SPSB1: variants seen among roughly 807,000 people sequenced by gnomAD.
SPSB1 encodes the protein splA/ryanodine receptor domain and SOCS box containing 1.
SPSB1 carries 8 observed loss-of-function variants against 21.2 expected under a neutral mutation model. That is an observed-to-expected ratio of 0.38 (90% CI 0.22 to 0.68). The LOEUF (loss-of-function observed/expected upper bound fraction) is 0.68. Among genes scored for constraint, SPSB1 ranks in the 30% least tolerant of loss-of-function variants. SPSB1 has a pLI of 0.53. For missense variants in SPSB1, 242 were observed against 377.8 expected (o/e 0.64, Z 2.98); for synonymous variants, 169 against 161.7 (o/e 1.05, Z -0.34).
rs1639152975 is a variant in SPSB1, at chr1:9,293,398, T to C, written c.-150+327T>C. Among the ~76,000 whole-genome samples the C allele has an allele frequency of 6.6e-6, 1 of 150,490 alleles. No homozygotes were observed. Among genetic ancestry groups the C allele is most frequent in the Admixed American group, 6.6e-5 (1 of 15,160 alleles). Reference sequence around the variant, plus strand: ...GGGGCGCGGGGACCGTCGCAACGAGTTGCGGTCCCGAGGAGGGGCTGGGGC... The same window carrying C: ...GGGGCGCGGGGACCGTCGCAACGAGCTGCGGTCCCGAGGAGGGGCTGGGGC... On this transcript the variant is annotated intron_variant, in intron 1 of 2. Transcript: ENST00000328089. The surrounding 1 kb of genome is among the most constrained non-coding windows in gnomAD (Gnocchi z 5.1).
chr1:9,352,055 T>G (rs1441678944), intron 1 of SPSB1, among the ~76,000 whole-genome samples: 1 of 152,138 alleles, frequency 6.6e-6, no homozygotes, highest in Non-Finnish European at 1.5e-5. Context: ...CACAGCCATG[T>G]GGTCCAAGGC....
intron 1 of SPSB1, among the ~76,000 whole-genome samples, chr1:9,310,272 G>A (rs1251880518): frequency 6.6e-6 from 1 of 152,222 alleles, no homozygotes; most frequent in Non-Finnish European, 1.5e-5. Flanking sequence ...ATCCCAGGAA[G>A]CTTCAAGCAA....
Position 9,356,077 on chromosome 1 carries a change from G to A in SPSB1, c.186G>A (p.Ser62=), listed in dbSNP as rs776146642. ...ATTCATGGAACAACAACGACCGATC[G>A]CTCAATGTCTTTGTGAAGGAGGACG... The part of the protein sequence containing the change: ...LLHSWNNNDR[S]LNVFVKEDDK... Residue 62 remains serine, a synonymous_variant, in exon 2 of 3, where the codon TCG becomes TCA. Coordinates refer to ENST00000328089, the MANE Select transcript of SPSB1 (RefSeq NM_025106.4). This position sits in a 1 kb window ranked among gnomAD's most constrained non-coding sequence, Gnocchi z 7.4. 79 of 1,611,610 alleles carry A rather than the reference G, an allele frequency of 4.9e-5. No homozygotes were observed. In the South Asian group the frequency reaches 5.8e-4, roughly 12 times the overall value.
intron 1 of SPSB1, among the ~76,000 whole-genome samples, chr1:9,314,561 T>C (rs1366811029): frequency 1.3e-5 from 2 of 152,152 alleles, no homozygotes; most frequent in Non-Finnish European, 2.9e-5. Context: ...ACCCCAGATA[T>C]TTGCCTCTGC....
At chr1:9,323,534 C>CCTG (rs1412027025) in intron 1 of SPSB1, among the ~76,000 whole-genome samples, 3 of 152,196 alleles carry the variant, frequency 2.0e-5, no homozygotes, top group African/African-American at 7.2e-5. Context: ...GGTCTGGAGC[C>CCTG]CTGTCCACAA....
At position 9,324,530 on chromosome 1, in the gene SPSB1, C is replaced by T. The variant is rs530241351; in HGVS notation, c.-149-31213C>T. Among the ~76,000 whole-genome samples the T allele has an allele frequency of 5.9e-5, 9 of 152,126 alleles. No individual in the cohort carries two copies. Among genetic ancestry groups the T allele is most frequent in the African/African-American group, 1.9e-4 (8 of 41,464 alleles). Reference sequence around the variant, plus strand: ...CTGTGGGCCCGGGACTCGGTGTGTCCGATGAGGAAACCAGCTTGGGTGGGG... The same window carrying T: ...CTGTGGGCCCGGGACTCGGTGTGTCTGATGAGGAAACCAGCTTGGGTGGGG... On this transcript the variant is annotated intron_variant, in intron 1 of 2. Coordinates refer to ENST00000328089, the MANE Select transcript of SPSB1 (RefSeq NM_025106.4). This position sits in a 1 kb window ranked among gnomAD's most constrained non-coding sequence, Gnocchi z 4.3.
chr1:9,311,090 AG>A (rs1639512315), intron 1 of SPSB1, among the ~76,000 whole-genome samples: 1 of 150,860 alleles, frequency 6.6e-6, no homozygotes, highest in African/African-American at 2.4e-5. Flanking sequence ...CTAGCCTCCC[AG>A]GCTCCCTGAA....
rs773769664 is a variant in SPSB1, at chr1:9,348,235, G to A, written c.-149-7508G>A. ...GCTGGGATTACAGGCGTGAGCCACCGCGGCAACTTTTTTTAACCCTGGGCA... is the reference window on the plus strand; with the variant it reads ...GCTGGGATTACAGGCGTGAGCCACCACGGCAACTTTTTTTAACCCTGGGCA... On this transcript the variant is annotated intron_variant, in intron 1 of 2. Coordinates refer to ENST00000328089, the MANE Select transcript of SPSB1 (RefSeq NM_025106.4). This position sits in a 1 kb window ranked among gnomAD's most constrained non-coding sequence, Gnocchi z 4.8. Among the ~76,000 whole-genome samples, 8 of 151,950 alleles carry A rather than the reference G, an allele frequency of 5.3e-5. No homozygotes were observed. Among genetic ancestry groups the A allele is most frequent in the African/African-American group, 9.6e-5 (4 of 41,456 alleles).
rs1569673429 is a variant in SPSB1 at position 9,368,280 on chromosome 1, C to T, written c.*705C>T. 6.5e-6 allele frequency: 1 copy of T among 152,720 alleles called. No homozygotes were observed. Among genetic ancestry groups the T allele is most frequent in the East Asian group, 1.9e-4 (1 of 5,188 alleles). 9.5% of individuals were successfully genotyped at this position (152,720 alleles called of 1,614,324 possible). On this transcript the variant is annotated 3_prime_UTR_variant, in exon 3 of 3. Transcript: ENST00000328089. The stretch of plus-strand genomic sequence containing the variant: ...TCTGGCTGTTCTGTTACTTTCCTTC[C>T]ACCTGTGCCCTCCCTGGGATATGTA...
At chr1:9,312,323 G>A (rs887973619) in intron 1 of SPSB1, among the ~76,000 whole-genome samples, 1 of 151,848 alleles carries the variant, frequency 6.6e-6, no homozygotes, top group South Asian at 2.1e-4. Context: ...CATTGTGTCC[G>A]GTCTGTCTGG....
intron 1 of SPSB1, among the ~76,000 whole-genome samples, chr1:9,314,148 C>T (rs1639570144): frequency 6.6e-6 from 1 of 150,570 alleles, no homozygotes; most frequent in African/African-American, 2.4e-5. Flanking sequence ...TGCACTCCAG[C>T]CTGGGCAACA....
At chr1:9,326,599 C>T (rs1639819967) in intron 1 of SPSB1, among the ~76,000 whole-genome samples, 1 of 152,156 alleles carries the variant, frequency 6.6e-6, no homozygotes, top group South Asian at 2.1e-4. Flanking sequence ...GTCTGAGAGC[C>T]CCAAGAAGCT....
chr1:9,314,048 C>T (rs1639568046), intron 1 of SPSB1, among the ~76,000 whole-genome samples: 1 of 151,900 alleles, frequency 6.6e-6, no homozygotes, highest in African/African-American at 2.4e-5. Flanking sequence ...TGGCGGCGGG[C>T]ACTTGTTATC....
chr1:9,312,079 G>A (rs925860638), intron 1 of SPSB1, among the ~76,000 whole-genome samples: 24 of 152,144 alleles, frequency 1.6e-4, no homozygotes, highest in African/African-American at 3.4e-4. Flanking sequence ...AACTCCTCAA[G>A]TGATCCTCCC....
Position 9,367,668 on chromosome 1 carries a change from G to C in SPSB1, c.*93G>C. On this transcript the variant is annotated 3_prime_UTR_variant, in exon 3 of 3. Transcript: ENST00000328089. This position sits in a 1 kb window ranked among gnomAD's most constrained non-coding sequence, Gnocchi z 5.9. The stretch of plus-strand genomic sequence containing the variant: ...GCCGCCGCACCCTGCACCTTGGACC[G>C]GCATCCGTAGCCATGGACAGAGGTC... 6.8e-7 allele frequency: 1 copy of C among 1,471,880 alleles called. No individual in the cohort carries two copies. The highest frequency in any genetic ancestry group is 9.0e-7 in the Non-Finnish European group (1 of 1,107,738). The allele number at this position is 1,471,880 out of a possible 1,614,324, so 91.2% of individuals were successfully genotyped here.
At chr1:9,326,586 T>G (rs1639819842) in intron 1 of SPSB1, among the ~76,000 whole-genome samples, 1 of 152,108 alleles carries the variant, frequency 6.6e-6, no homozygotes, top group South Asian at 2.1e-4. Flanking sequence ...ACATGGGGTG[T>G]GAGTCTGAGA....
chr1:9,349,258 G>A (rs867000224), intron 1 of SPSB1, among the ~76,000 whole-genome samples: 25 of 152,166 alleles, frequency 1.6e-4, no homozygotes, highest in African/African-American at 2.9e-4. Context: ...CCCGTTTTTC[G>A]CTCCTCTCTG....
intron 1 of SPSB1, among the ~76,000 whole-genome samples, chr1:9,338,944 G>A (rs189689051): frequency 4.8e-4 from 73 of 152,304 alleles, no homozygotes; most frequent in African/African-American, 1.7e-3. Context: ...TGGAAAACCC[G>A]GCCGATTACC....
chr1:9,332,825 G>A (rs1419165397), intron 1 of SPSB1, among the ~76,000 whole-genome samples: 1 of 152,200 alleles, frequency 6.6e-6, no homozygotes, highest in Non-Finnish European at 1.5e-5. Flanking sequence ...CATGATCTTG[G>A]AAGAGCATTT....
Sources: allele counts gnomAD v4.1 joint callset (sites outside exome capture counted in the v4.1 genomes callset), GRCh38; gene constraint gnomAD v4.1.1; non-coding constraint Gnocchi (gnomAD v3.1); transcripts MANE v1.5; gene names NCBI Gene and HGNC (gene_info 2026-07-23, HGNC 2026-07-21).